Variants in CA5B observed in about 807,000 individuals in gnomAD.
The protein encoded by CA5B is carbonic anhydrase 5B.
In CA5B, 15 loss-of-function variants were observed where a neutral mutation model predicts 23.1. The ratio of observed to expected loss-of-function variants is 0.65; its 90% CI spans 0.43 to 1.00. The LOEUF (loss-of-function observed/expected upper bound fraction) is 1.00, where lower values mean the gene tolerates loss of function less well. Among genes scored for constraint, CA5B ranks in the 50% least tolerant of loss-of-function variants. The probability of loss-of-function intolerance (pLI) is 0.00; values close to 1 mark genes in which losing one functional copy is unlikely to be tolerated. For synonymous variants in CA5B, 84 were observed against 98.5 expected (o/e 0.85, Z 0.87); for missense variants, 236 against 252.2 (o/e 0.94, Z 0.43).
chrX:15,743,756 C>T (rs572009001), intron 1 of CA5B, among the ~76,000 whole-genome samples: 1 of 111,583 alleles, frequency 9.0e-6, no homozygotes, highest in South Asian at 3.7e-4. Flanking sequence ...GCCCCACCTC[C>T]TGCTGCATCC....
At chrX:15,751,882 C>T (rs370426156) in intron 2 of CA5B, among the ~76,000 whole-genome samples, 68 of 111,908 alleles carry the variant, frequency 6.1e-4, no homozygotes, top group African/African-American at 2.0e-3. Flanking sequence ...AGACAATTCT[C>T]ATTGTTTCTG....
In CA5B at chrX:15,785,902, G is replaced by C. The variant is rs181633991; in HGVS notation, c.*3238G>C. On this transcript the variant is annotated 3_prime_UTR_variant, in exon 8 of 8. Coordinates refer to ENST00000318636, the MANE Select transcript of CA5B (RefSeq NM_007220.4). ...TTTTTTATTTTTTTGAGACAGAGTC[G>C]CGCTGTCACCCGGGCTGGAGTGCAG... The C allele has an allele frequency of 1.8e-5, 2 of 109,140 alleles. No individual in the cohort carries two copies. The highest frequency in any genetic ancestry group is 3.8e-5 in the Non-Finnish European group (2 of 52,508). The allele number at this position is 109,140 out of a possible 1,213,427, so 9.0% of individuals were successfully genotyped here.
intron 2 of CA5B, chrX:15,762,881 G>C (rs776114019): frequency 2.8e-6 from 1 of 362,732 alleles, no homozygotes; most frequent in Non-Finnish European, 5.6e-6. Flanking sequence ...CATCACACTT[G>C]GGGGTCTCAA....
At position 15,760,668 on chromosome X, in the gene CA5B, C is replaced by G. The variant is rs770980291; in HGVS notation, c.143-3910C>G. Reference sequence around the variant, plus strand: ...TCTTCCCTAGTTGTCACAGGAGACCCTCATTGAATGGCTTTGAAGAGTGTG... The same window carrying G: ...TCTTCCCTAGTTGTCACAGGAGACCGTCATTGAATGGCTTTGAAGAGTGTG... On this transcript the variant is annotated intron_variant, in intron 2 of 7. Transcript: ENST00000318636. 4.1e-3 allele frequency among the ~76,000 whole-genome samples: 458 copies of G among 111,423 alleles called. 4 individuals carry two copies. Among genetic ancestry groups the G allele is most frequent in the African/African-American group, 0.014 (444 of 30,641 alleles).
chrX:15,753,394 G>T (rs1369314241), intron 2 of CA5B, among the ~76,000 whole-genome samples: 1 of 111,951 alleles, frequency 8.9e-6, no homozygotes, highest in Non-Finnish European at 1.9e-5. Context: ...AAGATAAGGG[G>T]GATTGTAGAA....
intron 1 of CA5B, among the ~76,000 whole-genome samples, chrX:15,743,906 GAGAAAA>G (rs1402526124): frequency 1.1e-4 from 12 of 111,707 alleles, no homozygotes; most frequent in African/African-American, 3.9e-4. Context: ...TTGTCTAAAG[GAGAAAA>G]AGAAAATCTT....
At chrX:15,770,261 G>A (rs746925960) in intron 3 of CA5B, among the ~76,000 whole-genome samples, 4 of 110,879 alleles carry the variant, frequency 3.6e-5, no homozygotes, top group Admixed American at 1.9e-4. Context: ...TTGCAGTGAG[G>A]CGAGATCGTG....
chrX:15,762,458 T>C (rs914108824), intron 2 of CA5B, among the ~76,000 whole-genome samples: 4 of 108,351 alleles, frequency 3.7e-5, no homozygotes, highest in African/African-American at 1.3e-4. Context: ...CTTTTTTTTT[T>C]TGAGACAGAG....
Position 15,776,154 on chromosome X carries a change from C to G in CA5B, c.619-560C>G. The stretch of plus-strand genomic sequence containing the variant: ...GAGATCGAGACTGTCCTGGCTAACA[C>G]AGTGAAACCCCATCTCTCCTAAAAA... On this transcript the variant is annotated intron_variant, in intron 6 of 7. Coordinates refer to ENST00000318636, the MANE Select transcript of CA5B (RefSeq NM_007220.4). 6.4e-5 allele frequency: 18 copies of G among 280,053 alleles called. 1 individual carries two copies. Among genetic ancestry groups the G allele is most frequent in the Non-Finnish European group, 8.7e-5 (18 of 206,682 alleles). 23.1% of individuals were successfully genotyped at this position (280,053 alleles called of 1,213,427 possible). A position where few individuals can be genotyped will look rare whatever the true frequency, so the allele number is the denominator to read the frequency against.
chrX:15,782,094 C>T (rs747749464), intron 7 of CA5B, among the ~76,000 whole-genome samples: 59 of 112,178 alleles, frequency 5.3e-4, no homozygotes, highest in Non-Finnish European at 9.2e-4. Flanking sequence ...GTATATGCAT[C>T]AGGGCTTTCC....
Position 15,782,732 on chromosome X carries a change from T to G in CA5B, c.*68T>G. 1.2e-6 allele frequency: 1 copy of G among 816,960 alleles called. No homozygotes were observed. The highest frequency in any genetic ancestry group is 3.3e-5 in the East Asian group (1 of 30,316). The allele number at this position is 816,960 out of a possible 1,213,427, so 67.3% of individuals were successfully genotyped here. A position where few individuals can be genotyped will look rare whatever the true frequency, so the allele number is the denominator to read the frequency against. On this transcript the variant is annotated 3_prime_UTR_variant, in exon 8 of 8. Coordinates refer to ENST00000318636, the MANE Select transcript of CA5B (RefSeq NM_007220.4). The stretch of plus-strand genomic sequence containing the variant: ...TACTAGCTTACTATAAATTGTTAAC[T>G]AGACTATTCTAAGTGCCTGCATTTG...
At chrX:15,739,617 G>A (rs1931078365) in intron 1 of CA5B, among the ~76,000 whole-genome samples, 1 of 111,573 alleles carries the variant, frequency 9.0e-6, no homozygotes, top group Non-Finnish European at 1.9e-5. Flanking sequence ...TGAGTGAATT[G>A]TGAGTGAATG....
intron 3 of CA5B, among the ~76,000 whole-genome samples, chrX:15,771,306 G>A (rs1931815509): frequency 1.9e-5 from 2 of 105,394 alleles, no homozygotes; most frequent in African/African-American, 6.8e-5. Flanking sequence ...AGGAGGCAGA[G>A]GTTGCAGTGA....
chrX:15,752,691 C>G (rs898519348), intron 2 of CA5B, among the ~76,000 whole-genome samples: 3 of 108,460 alleles, frequency 2.8e-5, no homozygotes, highest in Non-Finnish European at 5.7e-5. Context: ...CGCCACTGCA[C>G]TCCAGCCTGG....
chrX:15,739,845 T>C (rs1931082568), intron 1 of CA5B, among the ~76,000 whole-genome samples: 1 of 111,958 alleles, frequency 8.9e-6, no homozygotes, highest in African/African-American at 3.2e-5. Context: ...TAATCTCTAA[T>C]TTAGATTTCA....
chrX:15,749,266 A>G (rs1410038253), intron 1 of CA5B, among the ~76,000 whole-genome samples: 1 of 111,913 alleles, frequency 8.9e-6, no homozygotes, highest in East Asian at 2.8e-4. Context: ...TAACTTCAGA[A>G]CACCATAGTG....
chrX:15,749,549 G>A (rs1931314091), intron 1 of CA5B, among the ~76,000 whole-genome samples: 1 of 110,959 alleles, frequency 9.0e-6, no homozygotes, highest in South Asian at 3.7e-4. Context: ...AGATGCAGAT[G>A]TTTGTTTTTA....
At chrX:15,743,398 T>G (rs1372045884) in intron 1 of CA5B, among the ~76,000 whole-genome samples, 1 of 112,529 alleles carries the variant, frequency 8.9e-6, no homozygotes, top group Non-Finnish European at 1.9e-5. Flanking sequence ...GTTTATTACA[T>G]TTGTTGTTTA....
chrX:15,773,125 A>C (rs1032951029), intron 4 of CA5B, among the ~76,000 whole-genome samples: 2 of 112,050 alleles, frequency 1.8e-5, no homozygotes, highest in Admixed American at 9.5e-5. Flanking sequence ...ATGAATGAGG[A>C]ATGATTTGTA....
Sources: gnomAD v4.1 joint callset for allele counts (sites outside exome capture counted in the v4.1 genomes callset) on GRCh38, gnomAD v4.1.1 for gene constraint, MANE v1.5 for transcripts, NCBI Gene and HGNC (gene_info 2026-07-23, HGNC 2026-07-21) for gene names.